The following CDH23 variants were observed in gnomAD, a reference collection of about 807,000 sequenced individuals.
CDH23 encodes cadherin related 23.
A neutral mutation model predicts 317.1 loss-of-function variants in CDH23; 189 were observed. The ratio of observed to expected loss-of-function variants is 0.60; its 90% confidence interval spans 0.53 to 0.67. CDH23 has a LOEUF of 0.67. Among genes scored for constraint, CDH23 ranks in the 30% least tolerant of loss-of-function variants. CDH23 has a pLI of 0.00. For synonymous variants in CDH23, 1,839 were observed against 1,876.8 expected, an observed-to-expected ratio of 0.98 and a Z score of 0.52; for missense variants, 4,401 against 4,592.4, an observed-to-expected ratio of 0.96 and a Z score of 1.20.
At chr10:71,678,170 C>G (rs948344550) in intron 16 of CDH23, among the ~76,000 whole-genome samples, 1 of 152,124 alleles carries the variant, frequency 6.6e-6, no homozygotes, top group African/African-American at 2.4e-5. Flanking sequence ...ACTGCCATCT[C>G]CCTTAGCAAG....
intron 3 of CDH23, among the ~76,000 whole-genome samples, chr10:71,464,356 G>A (rs1262475899): frequency 2.0e-5 from 3 of 152,160 alleles, no homozygotes; most frequent in East Asian, 1.9e-4. Context: ...AAAGAACAAT[G>A]AATTTGCCCA....
intron 6 of CDH23, among the ~76,000 whole-genome samples, chr10:71,532,798 C>T (rs561552386): frequency 1.1e-4 from 16 of 145,048 alleles, no homozygotes; most frequent in African/African-American, 3.6e-4. Flanking sequence ...GGCACACTCT[C>T]AGCTCACTGC....
intron 7 of CDH23, among the ~76,000 whole-genome samples, chr10:71,567,222 G>A (rs1857460248): frequency 6.6e-6 from 1 of 152,190 alleles, no homozygotes; most frequent in Non-Finnish European, 1.5e-5. Context: ...TGAGGCACAG[G>A]AGCAATTCAG....
chr10:71,802,758 T>TC lies in CDH23; in HGVS notation c.7483-138dup. 6.9e-6 allele frequency: 6 copies of TC among 875,018 alleles called. No homozygotes were observed. In the South Asian group the frequency reaches 9.4e-5, roughly 14 times the overall value. 54.2% of individuals were successfully genotyped at this position (875,018 alleles called of 1,614,324 possible). A position where few individuals can be genotyped will look rare whatever the true frequency, so the allele number is the denominator to read the frequency against. ...TTAAATAAGTTGCTTCAAGTCAGAC[T>TC]CCAACACATTAGAAGACATTACCTC... On this transcript the variant is annotated intron_variant, in intron 53 of 69. Transcript: ENST00000224721.
intron 9 of CDH23, among the ~76,000 whole-genome samples, chr10:71,595,179 T>G (rs1859755351): frequency 6.6e-6 from 1 of 152,138 alleles, no homozygotes; most frequent in African/African-American, 2.4e-5. Flanking sequence ...CGATCACGAG[T>G]TCATTGACAT....
intron 38 of CDH23, among the ~76,000 whole-genome samples, chr10:71,765,107 G>A (rs576263204): frequency 9.8e-5 from 15 of 152,320 alleles, no homozygotes; most frequent in African/African-American, 3.4e-4. Context: ...CTCCCAGGAA[G>A]AAACAAAACC....
At chr10:71,631,527 A>G (rs181643348) in intron 11 of CDH23, among the ~76,000 whole-genome samples, 1 of 152,368 alleles carries the variant, frequency 6.6e-6, no homozygotes, top group Admixed American at 6.5e-5. Flanking sequence ...AATGTCTTTC[A>G]GTAGTGGCAA....
rs753070028 is a variant in CDH23, at chr10:71,814,749, AAGC to A, written c.9739-202_9739-200del. ...ACACACACACACAGATTTTCACAAG[AAGC>A]CAATCCTCCCAAGAACCCATCTGCA... On this transcript the variant is annotated intron_variant, in intron 69 of 69. Transcript: ENST00000224721. Among the ~76,000 whole-genome samples the A allele has an allele frequency of 1.9e-3, 288 of 150,460 alleles. 2 individuals are homozygous for A. The highest frequency in any genetic ancestry group is 3.7e-3 in the Non-Finnish European group (253 of 67,968).
chr10:71,509,982 T>C, intron 3 of CDH23, 100 bp from the exon 4 acceptor site: 1 of 1,369,730 alleles, frequency 7.3e-7, no homozygotes, highest in Non-Finnish European at 1.0e-6. Flanking sequence ...GATTGCTGAA[T>C]GGCCACTCCC....
chr10:71,472,235 G>C (rs10823764), intron 3 of CDH23, among the ~76,000 whole-genome samples: 23,049 of 152,180 alleles, frequency 0.15, 2,309 homozygotes, highest in African/African-American at 0.28. Context: ...GTGGGAGGAA[G>C]GGAGGAGCCA....
chr10:71,631,883 A>G (rs1218256638), intron 11 of CDH23, among the ~76,000 whole-genome samples: 1 of 152,264 alleles, frequency 6.6e-6, no homozygotes, highest in African/African-American at 2.4e-5. Context: ...TGCTGAAAGA[A>G]GCCACTCGCT....
At chr10:71,656,273 A>G (rs1368163985) in intron 14 of CDH23, among the ~76,000 whole-genome samples, 1 of 152,158 alleles carries the variant, frequency 6.6e-6, no homozygotes, top group Non-Finnish European at 1.5e-5. Context: ...GGCCCTGTAG[A>G]CAGGTGGGCG....
intron 1 of CDH23, among the ~76,000 whole-genome samples, chr10:71,430,274 C>G (rs1355873626): frequency 6.6e-6 from 1 of 151,516 alleles, no homozygotes; most frequent in South Asian, 2.1e-4. Flanking sequence ...TCAGGAGCCT[C>G]TGCTGTCTTT....
chr10:71,815,517 A>C lies in CDH23; in HGVS notation c.*239A>C. 2.3e-6 allele frequency: 1 copy of C among 432,586 alleles called. No individual in the cohort carries two copies. Among genetic ancestry groups the C allele is most frequent in the Non-Finnish European group, 4.1e-6 (1 of 243,842 alleles). 26.8% of individuals were successfully genotyped at this position (432,586 alleles called of 1,614,324 possible). ...ATTTTTATAAGAAAACCAAACAAAAATGTTAAGCATCTAAGGACAAGGTAA... is the reference window on the plus strand; with the variant it reads ...ATTTTTATAAGAAAACCAAACAAAACTGTTAAGCATCTAAGGACAAGGTAA... On this transcript the variant is annotated 3_prime_UTR_variant, in exon 70 of 70. Transcript: ENST00000224721.
chr10:71,537,786 A>G (rs1335115419), intron 6 of CDH23, among the ~76,000 whole-genome samples: 1 of 152,228 alleles, frequency 6.6e-6, no homozygotes, highest in African/African-American at 2.4e-5. Context: ...CGCTGTGTTA[A>G]CTGAGTCAAA....
At chr10:71,739,548 C>T (rs1839677316) in intron 35 of CDH23, 96 bp from the exon 36 acceptor site, 1 of 1,468,452 alleles carries the variant, frequency 6.8e-7, no homozygotes, top group East Asian at 2.5e-5. Context: ...ACAGAGGGCC[C>T]ACGTGGGCAG....
rs1850173755 is a variant in CDH23 at position 71,446,453 on chromosome 10, A to C, written c.145+58A>C. 4 of 1,483,960 alleles carry C rather than the reference A, an allele frequency of 2.7e-6. No individual in the cohort carries two copies. The East Asian group carries it at 6.8e-5, about 25-fold the overall frequency. 91.9% of individuals were successfully genotyped at this position (1,483,960 alleles called of 1,614,324 possible). A position where few individuals can be genotyped will look rare whatever the true frequency, so the allele number is the denominator to read the frequency against. On this transcript the variant is annotated intron_variant, in intron 3 of 69. Coordinates refer to ENST00000224721, the MANE Select transcript of CDH23 (RefSeq NM_022124.6). ...ATGGCCTGGGGTGCAATCCCTTCCCACAAGTGAAGGGGATCTTACAGGTTG... is the reference window on the plus strand; with the variant it reads ...ATGGCCTGGGGTGCAATCCCTTCCCCCAAGTGAAGGGGATCTTACAGGTTG...
chr10:71,403,446 TTCCTTCCTTTCCTTCCTTCCTTCCTTCC>T (rs1311777846), intron 1 of CDH23, among the ~76,000 whole-genome samples: 6 of 66,696 alleles, frequency 9.0e-5, no homozygotes, highest in African/African-American at 5.1e-4. Context: ...CCTTCCTTCC[TTCCTTCCTTTCCTTCCTTCCTTCCTTCC>T]TTCCTTCCTT....
intron 6 of CDH23, among the ~76,000 whole-genome samples, chr10:71,560,066 GC>G (rs1857053969): frequency 6.6e-6 from 1 of 152,052 alleles, no homozygotes; most frequent in Admixed American, 6.6e-5. Context: ...AAGAAACATA[GC>G]CCACCTCTCC....
Sources: gnomAD v4.1 joint callset for allele counts (sites outside exome capture counted in the v4.1 genomes callset) on GRCh38, gnomAD v4.1.1 for gene constraint, MANE v1.5 for transcripts, NCBI Gene and HGNC (gene_info 2026-07-23, HGNC 2026-07-21) for gene names.